SLMAP: variants seen among roughly 807,000 people sequenced by gnomAD.
The protein encoded by SLMAP is sarcolemma associated protein.
Under a neutral mutation model 128.8 loss-of-function variants are expected in SLMAP, and 44 were observed. That is an observed-to-expected ratio of 0.34 (90% CI 0.27 to 0.44). The LOEUF is 0.44. Among genes scored for constraint, SLMAP ranks in the 20% least tolerant of loss-of-function variants. SLMAP has a pLI of 1.00. For missense variants in SLMAP, 787 were observed against 985.3 expected (o/e 0.80, Z 2.69); for synonymous variants, 327 against 348.8 (o/e 0.94, Z 0.70).
intron 14 of SLMAP, among the ~76,000 whole-genome samples, chr3:57,879,353 T>C (rs2095672965): frequency 2.0e-5 from 3 of 152,208 alleles, no homozygotes; most frequent in Non-Finnish European, 2.9e-5. Flanking sequence ...GTCAAACATA[T>C]TATACTCTCA....
At chr3:57,891,293 T>C (rs2096064173) in intron 15 of SLMAP, 1 of 152,228 alleles carries the variant, frequency 6.6e-6, no homozygotes, top group Non-Finnish European at 1.5e-5. Flanking sequence ...AAATATTTTC[T>C]TGAAATTATG....
rs527372641 is a variant in SLMAP, at chr3:57,928,393, G to A, written c.*1104G>A. ...CAGAGCTAATTCATGTTCAGGGTGA[G>A]CGTTGTACCTACCAACAAATTTCCT... On this transcript the variant is annotated 3_prime_UTR_variant, in exon 25 of 25. Transcript: ENST00000671191. The A allele has an allele frequency of 2.0e-5, 3 of 152,172 alleles. No homozygotes were observed. In the South Asian group the frequency reaches 6.2e-4, roughly 32 times the overall value. The allele number at this position is 152,172 out of a possible 1,614,324, so 9.4% of individuals were successfully genotyped here.
intron 10 of SLMAP, 104 bp downstream of exon 10, chr3:57,862,190 C>T (rs969957563): frequency 1.2e-5 from 10 of 866,886 alleles, no homozygotes; most frequent in African/African-American, 6.9e-5. Flanking sequence ...GGGTGGCGGG[C>T]GCCTGTAATC....
intron 2 of SLMAP, among the ~76,000 whole-genome samples, chr3:57,810,652 C>T (rs977204828): frequency 2.0e-5 from 3 of 152,126 alleles, no homozygotes; most frequent in Non-Finnish European, 2.9e-5. Context: ...CCGCTACGTC[C>T]GCACTGTTCT....
At chr3:57,794,407 C>T (rs1339940551) in intron 2 of SLMAP, among the ~76,000 whole-genome samples, 2 of 152,092 alleles carry the variant, frequency 1.3e-5, no homozygotes, top group South Asian at 4.1e-4. Flanking sequence ...ATAAGCACTT[C>T]GTTTCAAAAT....
chr3:57,812,927 T>A (rs2091251451), intron 2 of SLMAP, among the ~76,000 whole-genome samples: 1 of 152,220 alleles, frequency 6.6e-6, no homozygotes, highest in East Asian at 1.9e-4. Flanking sequence ...TTGTTCATTG[T>A]TTAGTGTATA....
intron 22 of SLMAP, chr3:57,918,186 T>G (rs189128740): frequency 6.6e-6 from 1 of 152,368 alleles, no homozygotes; most frequent in African/African-American, 2.4e-5. Flanking sequence ...GAACACAAAT[T>G]TTGTGCCAAA....
intron 20 of SLMAP, 46 bp downstream of exon 20, chr3:57,912,747 T>C (rs904156695): frequency 2.2e-6 from 3 of 1,386,678 alleles, no homozygotes; most frequent in Admixed American, 2.3e-5. Flanking sequence ...TTGACAATGA[T>C]AACTTCTTAA....
At chr3:57,830,501 A>G (rs2093270145) in intron 2 of SLMAP, among the ~76,000 whole-genome samples, 1 of 152,148 alleles carries the variant, frequency 6.6e-6, no homozygotes, top group Non-Finnish European at 1.5e-5. Context: ...GTCTTTTTTT[A>G]CTGGTGGTTC....
intron 17 of SLMAP, among the ~76,000 whole-genome samples, chr3:57,906,301 T>TTTTTTTTTC (rs1559512144): frequency 6.8e-4 from 65 of 95,288 alleles, no homozygotes; most frequent in African/African-American, 2.2e-3. Flanking sequence ...AATTTTTTTC[T>TTTTTTTTTC]TTTTTTTTCT....
chr3:57,853,420 T>A (rs1339301792), intron 6 of SLMAP, among the ~76,000 whole-genome samples: 1 of 152,212 alleles, frequency 6.6e-6, no homozygotes, highest in African/African-American at 2.4e-5. Flanking sequence ...AGTACTATGT[T>A]TGAAGTGTAT....
intron 14 of SLMAP, among the ~76,000 whole-genome samples, chr3:57,877,203 A>G (rs924671625): frequency 1.3e-5 from 2 of 152,286 alleles, no homozygotes; most frequent in Non-Finnish European, 2.9e-5. Flanking sequence ...CCCCATAACT[A>G]GGAAAAATTA....
chr3:57,775,424 A>G (rs928279298), intron 2 of SLMAP, among the ~76,000 whole-genome samples: 2 of 150,626 alleles, frequency 1.3e-5, no homozygotes, highest in Non-Finnish European at 2.9e-5. Context: ...TGTAATTCCA[A>G]CACTTTGGAA....
chr3:57,816,034 A>C (rs1284297335), intron 2 of SLMAP, among the ~76,000 whole-genome samples: 1 of 152,206 alleles, frequency 6.6e-6, no homozygotes, highest in Non-Finnish European at 1.5e-5. Context: ...CCTTGATTTA[A>C]ATATAGGTAA....
intron 6 of SLMAP, among the ~76,000 whole-genome samples, chr3:57,852,186 C>T (rs969125322): frequency 6.6e-6 from 1 of 152,202 alleles, no homozygotes; most frequent in Non-Finnish European, 1.5e-5. Context: ...GCTGGGATTA[C>T]AGGCCTGAGC....
intron 22 of SLMAP, among the ~76,000 whole-genome samples, chr3:57,919,743 C>T (rs1279796541): frequency 2.0e-5 from 3 of 149,430 alleles, no homozygotes; most frequent in African/African-American, 7.4e-5. Context: ...TGTGGTAAGC[C>T]AAGATCGCAC....
chr3:57,873,443 C>G (rs537618835), intron 14 of SLMAP, among the ~76,000 whole-genome samples: 32 of 152,094 alleles, frequency 2.1e-4, no homozygotes, highest in African/African-American at 7.5e-4. Context: ...GCAGAGGTTG[C>G]AGTGAGCCGA....
In SLMAP at chr3:57,873,037, A is replaced by G. The variant is rs191282290; in HGVS notation, c.1300+1339A>G. Among the ~76,000 whole-genome samples the G allele has an allele frequency of 5.3e-4, 81 of 152,318 alleles. 1 individual carries two copies. In the Middle Eastern group the frequency reaches 0.041, roughly 77 times the overall value. On this transcript the variant is annotated intron_variant, in intron 14 of 24. Transcript: ENST00000671191. ...GGTAATTAAAACAGACACAAATTCA[A>G]CAAATCAAATGTTATACTCCTTAGA...
rs534813872 is a variant in SLMAP, at chr3:57,871,662, G to A, written c.1264G>A (p.Asp422Asn). The A allele has an allele frequency of 4.5e-5, 72 of 1,613,060 alleles. No homozygotes were observed. In the South Asian group the frequency reaches 7.1e-4, roughly 16 times the overall value. ...GCACTTGCTTTCAAAGAGTGGCGGG[G>A]ACTGCACTTTTATTCATCAATTCAT... is the stretch of plus-strand genomic sequence containing the variant. ...KEHLLSKSGG[D>N]CTFIHQFIEC... Residue 422 changes from aspartate (D) to asparagine (N), a missense_variant, in exon 14 of 25, where the codon GAC (aspartate) becomes AAC (asparagine). Physicochemically the swap from Asp to Asn is conservative, Grantham distance 23. Coordinates refer to ENST00000671191, the MANE Select transcript of SLMAP (RefSeq NM_001377540.1).
Sources: allele counts gnomAD v4.1 joint callset (sites outside exome capture counted in the v4.1 genomes callset), GRCh38; gene constraint gnomAD v4.1.1; transcripts MANE v1.5; gene names NCBI Gene and HGNC (gene_info 2026-07-23, HGNC 2026-07-21).